WAC: variants seen among roughly 807,000 people sequenced by gnomAD.
WAC encodes WW domain containing adaptor with coiled-coil.
In WAC, 11 loss-of-function variants were observed where a neutral mutation model predicts 79.6. The observed-to-expected ratio is 0.14, with a 90% CI of 0.09 to 0.23. The LOEUF (loss-of-function observed/expected upper bound fraction) is 0.23, where lower values mean the gene tolerates loss of function less well. Ranked by LOEUF, WAC falls within the 10% of genes least tolerant of loss-of-function variation. WAC has a pLI of 1.00. For synonymous variants in WAC, 304 were observed against 276.9 expected (o/e 1.10, Z -0.97); for missense variants, 728 against 773.5 (o/e 0.94, Z 0.70).
chr10:28,567,185 CT>C (rs371848122), intron 3 of WAC, among the ~76,000 whole-genome samples: 271 of 143,210 alleles, frequency 1.9e-3, no homozygotes, highest in African/African-American at 3.0e-3. Context: ...AATTCCAGCT[CT>C]TTTTTTTTTT....
At chr10:28,616,480 C>CT (rs1841472887) in intron 12 of WAC, 118 bp downstream of exon 12, 2 of 878,228 alleles carry the variant, frequency 2.3e-6, no homozygotes, top group Non-Finnish European at 3.2e-6. Context: ...TAATGAATCT[C>CT]TAACTTTGTA....
At chr10:28,571,166 G>A (rs528312371) in intron 3 of WAC, among the ~76,000 whole-genome samples, 2 of 151,938 alleles carry the variant, frequency 1.3e-5, no homozygotes, top group African/African-American at 4.8e-5. Flanking sequence ...CTGACCTCAC[G>A]TGATCCACCC....
intron 12 of WAC, among the ~76,000 whole-genome samples, chr10:28,617,404 G>A (rs984480178): frequency 7.9e-5 from 12 of 152,148 alleles, no homozygotes; most frequent in African/African-American, 2.9e-4. Flanking sequence ...TCTTAGTGCT[G>A]TATTAGCTTC....
intron 4 of WAC, among the ~76,000 whole-genome samples, chr10:28,587,849 C>T (rs898326939): frequency 3.3e-5 from 5 of 151,708 alleles, no homozygotes; most frequent in South Asian, 4.2e-4. Context: ...GACCGGTGCT[C>T]GGGTTTGTGA....
intron 3 of WAC, among the ~76,000 whole-genome samples, chr10:28,558,263 T>A (rs562549506): frequency 6.3e-4 from 96 of 152,310 alleles, no homozygotes; most frequent in Non-Finnish European, 1.1e-3. Context: ...TGTTTAAAAT[T>A]TAAAGATTTT....
chr10:28,605,990 A>C (rs1840921539), intron 7 of WAC, among the ~76,000 whole-genome samples: 1 of 152,132 alleles, frequency 6.6e-6, no homozygotes, highest in African/African-American at 2.4e-5. Context: ...TGATCTGGAG[A>C]ATACTGCTAA....
chr10:28,539,453 A>AT (rs1173296608), intron 3 of WAC, among the ~76,000 whole-genome samples: 3 of 151,822 alleles, frequency 2.0e-5, no homozygotes, highest in African/African-American at 4.8e-5. Flanking sequence ...TAATTAAAAT[A>AT]TTTTTTTGTG....
At chr10:28,592,366 G>A (rs781302746) in intron 6 of WAC, among the ~76,000 whole-genome samples, 1 of 152,164 alleles carries the variant, frequency 6.6e-6, no homozygotes, top group Non-Finnish European at 1.5e-5. Context: ...GCTCACACCT[G>A]TAATCCCAAC....
At chr10:28,581,317 A>T (rs867188901) in intron 3 of WAC, among the ~76,000 whole-genome samples, 3 of 129,290 alleles carry the variant, frequency 2.3e-5, no homozygotes, top group Middle Eastern at 5.6e-3. Context: ...GAACTCCTGG[A>T]CTCAAGGGAT....
chr10:28,533,641 G>C (rs953330286), intron 1 of WAC, 21 bp downstream of exon 1: 8 of 1,599,576 alleles, frequency 5.0e-6, no homozygotes, highest in East Asian at 2.3e-5. Flanking sequence ...TTTTCGTTTC[G>C]GGCCGGGCGG....
chr10:28,568,763 G>A (rs372997056), intron 3 of WAC, among the ~76,000 whole-genome samples: 5 of 152,024 alleles, frequency 3.3e-5, no homozygotes, highest in African/African-American at 1.2e-4. Flanking sequence ...TTACAGAGAC[G>A]GGGTTTCACT....
chr10:28,563,279 G>A (rs1838398615), intron 3 of WAC, among the ~76,000 whole-genome samples: 2 of 152,038 alleles, frequency 1.3e-5, no homozygotes, highest in African/African-American at 4.8e-5. Flanking sequence ...AATACCCAGT[G>A]TTCCTATCTT....
At chr10:28,578,107 C>G (rs1269567582) in intron 3 of WAC, among the ~76,000 whole-genome samples, 1 of 152,130 alleles carries the variant, frequency 6.6e-6, no homozygotes, top group Non-Finnish European at 1.5e-5. Context: ...TGCAGTGAGT[C>G]AAGATCGTGC....
At chr10:28,585,929 C>T (rs1157759522) in intron 4 of WAC, among the ~76,000 whole-genome samples, 1 of 152,126 alleles carries the variant, frequency 6.6e-6, no homozygotes, top group Non-Finnish European at 1.5e-5. Flanking sequence ...TTGAATGATT[C>T]AAATCATAAG....
chr10:28,586,500 C>T (rs1237499631), intron 4 of WAC, among the ~76,000 whole-genome samples: 2 of 151,334 alleles, frequency 1.3e-5, no homozygotes, highest in Non-Finnish European at 2.9e-5. Flanking sequence ...ACATAGTAAG[C>T]GCCTGTCTCT....
chr10:28,610,858 T>G, intron 9 of WAC, 37 bp downstream of exon 9: 1 of 1,531,160 alleles, frequency 6.5e-7, no homozygotes, highest in Non-Finnish European at 8.7e-7. Flanking sequence ...TAGAATGGCA[T>G]CTTGATTTTG....
rs145245438 is a variant in WAC at position 28,541,928 on chromosome 10, C to G, written c.274+6171C>G. Among the ~76,000 whole-genome samples, 18 of 152,244 alleles carry G rather than the reference C, an allele frequency of 1.2e-4. No individual in the cohort carries two copies. In the East Asian group the frequency reaches 3.5e-3, roughly 29 times the overall value. Reference sequence around the variant, plus strand: ...TTCCCCACACAGTAGCCAGAGTGATCCAGTTAAAATGCCAGTCACCTCACA... The same window carrying G: ...TTCCCCACACAGTAGCCAGAGTGATGCAGTTAAAATGCCAGTCACCTCACA... On this transcript the variant is annotated intron_variant, in intron 3 of 13. Transcript: ENST00000354911.
At chr10:28,616,891 G>C (rs1190168318) in intron 12 of WAC, among the ~76,000 whole-genome samples, 1 of 152,194 alleles carries the variant, frequency 6.6e-6, no homozygotes, top group Non-Finnish European at 1.5e-5. Context: ...AGACCAGTCT[G>C]ACCAACATGG....
intron 7 of WAC, among the ~76,000 whole-genome samples, chr10:28,596,811 A>G (rs1467520801): frequency 1.3e-5 from 2 of 152,166 alleles, no homozygotes; most frequent in Non-Finnish European, 2.9e-5. Context: ...GCGCTTTTAA[A>G]TGTGCTGTGG....
Sources: gnomAD v4.1 joint callset for allele counts (sites outside exome capture counted in the v4.1 genomes callset) on GRCh38, gnomAD v4.1.1 for gene constraint, MANE v1.5 for transcripts, NCBI Gene and HGNC (gene_info 2026-07-23, HGNC 2026-07-21) for gene names.